The following NINJ1 variants were observed in gnomAD, a reference collection of about 807,000 sequenced individuals.
The protein encoded by NINJ1 is ninjurin-1.
In NINJ1, 6 loss-of-function variants were observed where a neutral mutation model predicts 12.7. The ratio of observed to expected loss-of-function variants is 0.47; its 90% CI spans 0.26 to 0.93. The LOEUF is 0.93. Among genes scored for constraint, NINJ1 ranks in the 40% least tolerant of loss-of-function variants. The probability of loss-of-function intolerance (pLI) is 0.15; values close to 1 mark genes in which losing one functional copy is unlikely to be tolerated. For missense variants in NINJ1, 170 were observed against 213.0 expected, an observed-to-expected ratio of 0.80 and a Z score of 1.26; for synonymous variants, 100 against 96.0, an observed-to-expected ratio of 1.04 and a Z score of -0.25.
intron 1 of NINJ1, among the ~76,000 whole-genome samples, chr9:93,131,269 C>G (rs567583625): frequency 2.0e-5 from 3 of 152,362 alleles, no homozygotes; most frequent in African/African-American, 7.2e-5. Context: ...GGGTTCCCAC[C>G]ACAGCTGGGC....
rs142381214 is a variant in NINJ1, at chr9:93,129,022, G to A, written c.76-2384C>T. 2.5e-3 allele frequency among the ~76,000 whole-genome samples: 374 copies of A among 152,278 alleles called. 2 individuals are homozygous for A. The highest frequency in any genetic ancestry group is 4.5e-3 in the Non-Finnish European group (307 of 68,026). ...AACCATTTAAATATTTCACAGCCAT[G>A]CAGTCACGAGGAACACTCAGATCCA... On this transcript the variant is annotated intron_variant, in intron 1 of 3. Transcript: ENST00000375446.
intron 1 of NINJ1, among the ~76,000 whole-genome samples, chr9:93,128,897 C>T (rs1463392043): frequency 2.6e-5 from 4 of 152,242 alleles, no homozygotes; most frequent in Non-Finnish European, 5.9e-5. Context: ...CATGCACATA[C>T]ATACATATGC....
chr9:93,134,116 C>A, intron 1 of NINJ1, 27 bp downstream of exon 1: 1 of 1,526,314 alleles, frequency 6.6e-7, no homozygotes, highest in African/African-American at 1.4e-5. Context: ...CTGGCAAGAT[C>A]ATGCAGCGGT....
intron 3 of NINJ1, among the ~76,000 whole-genome samples, chr9:93,124,361 GCCT>G (rs933527180): frequency 6.6e-6 from 1 of 152,104 alleles, no homozygotes; most frequent in Non-Finnish European, 1.5e-5. Context: ...TGCAACCTCT[GCCT>G]CCTGGGTTCA....
rs1441366872 is a variant in NINJ1, at chr9:93,126,648, G to A, written c.76-10C>T. The A allele has an allele frequency of 1.3e-6, 2 of 1,589,002 alleles. No homozygotes were observed. The highest frequency in any genetic ancestry group is 2.7e-5 in the African/African-American group (2 of 74,466). ...AGCCCCAGCGGGCCGGCTGCAGGGA[G>A]GGGAATGGTCAGCAAGGCGGGTGGG... On this transcript the variant is annotated splice_polypyrimidine_tract_variant and intron_variant, in intron 1 of 3. Transcript: ENST00000375446.
At chr9:93,125,324 T>A (rs1827796602) in intron 2 of NINJ1, 1 of 316,430 alleles carries the variant, frequency 3.2e-6, no homozygotes, top group Non-Finnish European at 5.9e-6. Flanking sequence ...TTATACGAAT[T>A]GAAGCTATGG....
chr9:93,124,160 G>A (rs1052356432), intron 3 of NINJ1, among the ~76,000 whole-genome samples: 5 of 152,196 alleles, frequency 3.3e-5, no homozygotes, highest in Non-Finnish European at 5.9e-5. Flanking sequence ...TCAGGCAGGC[G>A]GTCATACCAA....
intron 1 of NINJ1, chr9:93,131,408 A>G (rs1827891219): frequency 6.6e-6 from 1 of 152,266 alleles, no homozygotes; most frequent in South Asian, 2.1e-4. Context: ...GGAAATGAGG[A>G]AACGAGCAAA....
rs559535977 is a variant in NINJ1 at position 93,126,734 on chromosome 9, G to A, written c.76-96C>T. ...GGGGGTCACCGGGCCCTGCAGGTGA[G>A]GGCTTCCCTTGCCCCCACCCCTGGT... is the stretch of plus-strand genomic sequence containing the variant. On this transcript the variant is annotated intron_variant, in intron 1 of 3. Coordinates refer to ENST00000375446, the MANE Select transcript of NINJ1 (RefSeq NM_004148.4). The A allele has an allele frequency of 7.7e-6, 7 of 913,898 alleles. No individual in the cohort carries two copies. The African/African-American group carries it at 1.2e-4, about 15-fold the overall frequency. 56.6% of individuals were successfully genotyped at this position (913,898 alleles called of 1,614,324 possible). A position where few individuals can be genotyped will look rare whatever the true frequency, so the allele number is the denominator to read the frequency against.
chr9:93,128,139 CAT>C (rs1827839506), intron 1 of NINJ1, among the ~76,000 whole-genome samples: 2 of 152,328 alleles, frequency 1.3e-5, no homozygotes, highest in Admixed American at 1.3e-4. Context: ...CACGTGGACA[CAT>C]GTGCGCACAG....
At chr9:93,132,701 T>C (rs1228988613) in intron 1 of NINJ1, among the ~76,000 whole-genome samples, 3 of 152,168 alleles carry the variant, frequency 2.0e-5, no homozygotes, top group Non-Finnish European at 4.4e-5. Flanking sequence ...TCTCTCTCCC[T>C]CTGGTGCCCA....
At chr9:93,126,320 G>C (rs997278051) in intron 2 of NINJ1, 90 bp downstream of exon 2, 4 of 1,140,502 alleles carry the variant, frequency 3.5e-6, no homozygotes, top group African/African-American at 3.1e-5. Context: ...AGAGCCAAGT[G>C]TGCAAGGTGG....
intron 1 of NINJ1, among the ~76,000 whole-genome samples, chr9:93,130,137 G>A (rs539259668): frequency 9.2e-5 from 14 of 152,336 alleles, no homozygotes; most frequent in East Asian, 7.7e-4. Context: ...AGCAGCACTC[G>A]GGGCCTGGGG....
In NINJ1 at chr9:93,129,203, G is replaced by A. The variant is rs556262846; in HGVS notation, c.76-2565C>T. ...GCGGTTCCTTACCCAAAGCCACATAGCAAGTGAGGGCTTGGCTAGGATTTG... is the reference window on the plus strand; with the variant it reads ...GCGGTTCCTTACCCAAAGCCACATAACAAGTGAGGGCTTGGCTAGGATTTG... On this transcript the variant is annotated intron_variant, in intron 1 of 3. Coordinates refer to ENST00000375446, the MANE Select transcript of NINJ1 (RefSeq NM_004148.4). Among the ~76,000 whole-genome samples the A allele has an allele frequency of 1.8e-3, 267 of 152,318 alleles. 1 individual carries two copies. The highest frequency in any genetic ancestry group is 3.1e-3 in the Admixed American group (47 of 15,302).
At position 93,134,127 on chromosome 9, in the gene NINJ1, G is replaced by A. The variant is rs369409973; in HGVS notation, c.75+16C>T. On this transcript the variant is annotated intron_variant, in intron 1 of 3. Transcript: ENST00000375446. ...GGGCCTGGCAAGATCATGCAGCGGT[G>A]GGGGGAAGGTCTTACCGAGGCGTCC... 9 of 1,540,404 alleles carry A rather than the reference G, an allele frequency of 5.8e-6. No homozygotes were observed. The highest frequency in any genetic ancestry group is 4.8e-5 in the South Asian group (4 of 82,796).
rs1827811154 is a variant in NINJ1, at chr9:93,126,501, G to T, written c.213C>A (p.Gly71=). The change falls in exon 2 of 4, where the codon GGC becomes GGA. Residue 71 remains glycine, a synonymous_variant. Coordinates refer to ENST00000375446, the MANE Select transcript of NINJ1 (RefSeq NM_004148.4). ...ASQLKAVVEQ[G]PSFAFYVPLV... ...GGGGCACATAGAAGGCGAAGCTGGG[G>T]CCCTGTTCCACGACGGCCTTCAGCT... is the stretch of plus-strand genomic sequence containing the variant. 6.2e-7 allele frequency: 1 copy of T among 1,614,212 alleles called. No homozygotes were observed. The highest frequency in any genetic ancestry group is 1.7e-5 in the Admixed American group (1 of 60,026).
chr9:93,127,834 A>G (rs1271562334), intron 1 of NINJ1, among the ~76,000 whole-genome samples: 1 of 152,186 alleles, frequency 6.6e-6, no homozygotes, highest in South Asian at 2.1e-4. Context: ...GACTCATGAA[A>G]GATGCAGGCC....
At chr9:93,126,728 A>G in intron 1 of NINJ1, 90 bp from the exon 2 acceptor site, 1 of 966,504 alleles carries the variant, frequency 1.0e-6, no homozygotes, top group Non-Finnish European at 1.5e-6. Context: ...CGGGCCCTGC[A>G]GGTGAGGGCT....
At chr9:93,126,286 G>A in intron 2 of NINJ1, 124 bp downstream of exon 2, 1 of 737,780 alleles carries the variant, frequency 1.4e-6, no homozygotes, top group Non-Finnish European at 2.2e-6. Context: ...GGGTGATGAG[G>A]GCCAGGAACT....
Sources: allele counts gnomAD v4.1 joint callset (sites outside exome capture counted in the v4.1 genomes callset), GRCh38; gene constraint gnomAD v4.1.1; transcripts MANE v1.5; gene names NCBI Gene and HGNC (gene_info 2026-07-23, HGNC 2026-07-21).